Variants in AFF3 observed in about 807,000 individuals in gnomAD.
AFF3 encodes the protein AF4/FMR2 family member 3.
AFF3 carries 32 observed loss-of-function variants against 129.7 expected under a neutral mutation model. The observed-to-expected ratio is 0.25, with a 90% CI of 0.19 to 0.33. The LOEUF (loss-of-function observed/expected upper bound fraction) is 0.33. Ranked by LOEUF, AFF3 falls within the 10% of genes least tolerant of loss-of-function variation. AFF3 has a pLI of 1.00. For missense variants in AFF3, 1,373 were observed against 1,592.0 expected (o/e 0.86, Z 2.34); for synonymous variants, 644 against 635.4 (o/e 1.01, Z -0.20).
intron 13 of AFF3, among the ~76,000 whole-genome samples, chr2:99,617,708 G>A (rs935922087): frequency 8.6e-5 from 13 of 152,020 alleles, no homozygotes; most frequent in South Asian, 4.1e-4. Flanking sequence ...ACTTGACTTC[G>A]CTTAATAGTA....
chr2:99,836,073 G>A (rs1688853358), intron 8 of AFF3, among the ~76,000 whole-genome samples: 1 of 152,184 alleles, frequency 6.6e-6, no homozygotes, highest in South Asian at 2.1e-4. Context: ...TTCAAGCCTT[G>A]TATGGAGAAC....
chr2:99,758,455 G>A (rs567940967), intron 8 of AFF3, among the ~76,000 whole-genome samples: 12 of 151,912 alleles, frequency 7.9e-5, no homozygotes, highest in African/African-American at 1.5e-4. Flanking sequence ...GCGTGATGGC[G>A]CGCGCCTGTA....
chr2:99,748,498 T>G (rs1681354464), intron 9 of AFF3, among the ~76,000 whole-genome samples: 1 of 152,166 alleles, frequency 6.6e-6, no homozygotes, highest in African/African-American at 2.4e-5. Context: ...CTGAAAGTGA[T>G]GTGGTGACTG....
At chr2:99,722,374 GTTGA>G (rs1678969451) in intron 11 of AFF3, among the ~76,000 whole-genome samples, 1 of 152,150 alleles carries the variant, frequency 6.6e-6, no homozygotes, top group Non-Finnish European at 1.5e-5. Flanking sequence ...TTTAAACAAT[GTTGA>G]TTGTTTTTTG....
chr2:99,721,563 G>C (rs1266968765), intron 11 of AFF3, among the ~76,000 whole-genome samples: 1 of 151,058 alleles, frequency 6.6e-6, no homozygotes, highest in African/African-American at 2.4e-5. Context: ...ATTCTGGCTT[G>C]ACAGTTCTTC....
Position 99,593,811 on chromosome 2 carries a change from C to A in AFF3, c.1850G>T (p.Ser617Ile). Residue 617 changes from serine (S) to isoleucine (I), a missense_variant, in exon 15 of 25, where the codon AGC becomes ATC. Ser to Ile is a moderately radical substitution (Grantham distance 142, BLOSUM62 -2). This residue lies in a region of AFF3 where 466 missense variants were observed against 505.0 expected (regional missense o/e 0.92). Transcript: ENST00000672756. ...EPAAADALGT[S>I]VVVPPEPTKT... ...GGTGGGCTCCGGGGGGACCACCACG[C>A]TCGTCCCCAGCGCGTCCGCGGCCGC... The A allele has an allele frequency of 6.2e-7, 1 of 1,610,410 alleles. No homozygotes were observed. The highest frequency in any genetic ancestry group is 8.5e-7 in the Non-Finnish European group (1 of 1,179,196).
intron 7 of AFF3, among the ~76,000 whole-genome samples, chr2:99,916,270 C>A (rs1277972591): frequency 1.3e-5 from 2 of 152,138 alleles, no homozygotes; most frequent in Non-Finnish European, 2.9e-5. Flanking sequence ...ATCTGTAATC[C>A]CTCCCGTCCT....
intron 4 of AFF3, among the ~76,000 whole-genome samples, chr2:100,057,539 C>T (rs1686902566): frequency 6.6e-6 from 1 of 152,082 alleles, no homozygotes; most frequent in Admixed American, 6.6e-5. Context: ...TTATCATTGC[C>T]AATATTACTA....
chr2:99,915,599 A>G lies in AFF3; in HGVS notation c.874-78075T>C, dbSNP rs532973351. 3.3e-5 allele frequency among the ~76,000 whole-genome samples: 5 copies of G among 152,276 alleles called. No individual in the cohort carries two copies. The South Asian group carries it at 1.0e-3, about 32-fold the overall frequency. On this transcript the variant is annotated intron_variant, in intron 7 of 24. Transcript: ENST00000672756. ...CAGGGCCTTGAGATTGGTTTAATTC[A>G]CTGCCTGATGCCTTGAAATTCTTAA...
chr2:99,638,622 G>C (rs78852352), intron 13 of AFF3, among the ~76,000 whole-genome samples: 5,375 of 152,236 alleles, frequency 0.035, 118 homozygotes, highest in Non-Finnish European at 0.044. Flanking sequence ...GAGAAGGAAA[G>C]GACGCATGTC....
At position 99,593,718 on chromosome 2, in the gene AFF3, T is replaced by TCGCAGGTCACGGAGGAG; in HGVS notation, c.1926_1942dup (p.Glu648AlafsTer4). On this transcript the variant is annotated stop_gained and frameshift_variant, in exon 15 of 25. Coordinates refer to ENST00000672756, the MANE Select transcript of AFF3 (RefSeq NM_001386135.1). LOFTEE classifies it high-confidence loss of function. ...GCTTAGCCCCCGCGTGCGGCGCTTCTCGCAGGTCACGGAGGAGCGCAGCTC... is the reference window on the plus strand; with the variant it reads ...GCTTAGCCCCCGCGTGCGGCGCTTCTCGCAGGTCACGGAGGAGCGCAGGTCACGGAGGAGCGCAGCTC... 1 of 1,611,246 alleles carries TCGCAGGTCACGGAGGAG rather than the reference T, an allele frequency of 6.2e-7. No individual in the cohort carries two copies. The highest frequency in any genetic ancestry group is 8.5e-7 in the Non-Finnish European group (1 of 1,178,572).
chr2:99,569,465 T>C (rs1676281998), intron 18 of AFF3, among the ~76,000 whole-genome samples: 1 of 152,204 alleles, frequency 6.6e-6, no homozygotes, highest in Admixed American at 6.5e-5. Flanking sequence ...CCAGTTGTAA[T>C]GAAGTTAATT....
intron 13 of AFF3, among the ~76,000 whole-genome samples, chr2:99,641,123 C>T (rs951284892): frequency 5.9e-5 from 9 of 152,184 alleles, no homozygotes; most frequent in South Asian, 2.1e-4. Context: ...CTGGGTCACC[C>T]GATGCTTCCT....
chr2:99,556,784 T>G (rs1674966357), intron 22 of AFF3, among the ~76,000 whole-genome samples: 1 of 151,660 alleles, frequency 6.6e-6, no homozygotes, highest in African/African-American at 2.4e-5. Flanking sequence ...GAGCTGGGTG[T>G]GGTGGTGTGT....
chr2:100,141,808 A>C (rs1692892111), intron 1 of AFF3, among the ~76,000 whole-genome samples: 1 of 152,182 alleles, frequency 6.6e-6, no homozygotes, highest in South Asian at 2.1e-4. Flanking sequence ...TACACACATA[A>C]ACACACATAC....
At chr2:99,643,027 T>A (rs991734061) in intron 13 of AFF3, among the ~76,000 whole-genome samples, 2 of 151,898 alleles carry the variant, frequency 1.3e-5, no homozygotes, top group Non-Finnish European at 2.9e-5. Flanking sequence ...TTTTTAAAAG[T>A]TTTTTATTCA....
chr2:99,856,245 A>G (rs1690516017), intron 7 of AFF3, among the ~76,000 whole-genome samples: 1 of 152,216 alleles, frequency 6.6e-6, no homozygotes, highest in South Asian at 2.1e-4. Flanking sequence ...TAATAAATAT[A>G]CAATACTAAT....
chr2:99,593,327 G>A lies in AFF3; in HGVS notation c.2334C>T (p.Ile778=), dbSNP rs1678924061. Residue 778 remains isoleucine (I), a synonymous_variant, in exon 15 of 25, where the codon ATC becomes ATT. Transcript: ENST00000672756. ...CTGGCTCCTGGGGCAGGTGTTCTGG[G>A]ATCCTGGACAGGAGGGTCAGGTCGA... The part of the protein sequence containing the change: ...VKIDLTLLSR[I]PEHLPQEPGV... 6.2e-7 allele frequency: 1 copy of A among 1,613,968 alleles called. No individual in the cohort carries two copies. Among genetic ancestry groups the A allele is most frequent in the Admixed American group, 1.7e-5 (1 of 60,002 alleles).
intron 12 of AFF3, 140 bp downstream of exon 12, chr2:99,672,398 C>T: frequency 1.4e-6 from 1 of 712,282 alleles, no homozygotes; most frequent in Non-Finnish European, 2.4e-6. Flanking sequence ...GACCCAACTG[C>T]ATAGAAGCTC....
Sources: gnomAD v4.1 joint callset for allele counts (sites outside exome capture counted in the v4.1 genomes callset) on GRCh38, gnomAD v4.1.1 for gene constraint, gnomAD v4.1.1 regional missense constraint, MANE v1.5 for transcripts, NCBI Gene and HGNC (gene_info 2026-07-23, HGNC 2026-07-21) for gene names.